Variants in CCSER1 observed in about 807,000 individuals in gnomAD.
CCSER1 encodes serine-rich coiled-coil domain-containing protein 1.
A neutral mutation model predicts 82.0 loss-of-function variants in CCSER1; 41 were observed. The ratio of observed to expected loss-of-function variants is 0.50; its 90% CI spans 0.39 to 0.65. The LOEUF (loss-of-function observed/expected upper bound fraction) is 0.65. Ranked by LOEUF, CCSER1 falls within the 30% of genes least tolerant of loss-of-function variation. The probability of loss-of-function intolerance (pLI) is 0.00; values close to 1 mark genes in which losing one functional copy is unlikely to be tolerated. For synonymous variants in CCSER1, 414 were observed against 383.9 expected, an observed-to-expected ratio of 1.08 and a Z score of -0.92; for missense variants, 1,119 against 1,064.2, an observed-to-expected ratio of 1.05 and a Z score of -0.72.
intron 1 of CCSER1, among the ~76,000 whole-genome samples, chr4:90,272,135 A>G (rs983534796): frequency 2.0e-5 from 3 of 151,854 alleles, no homozygotes; most frequent in South Asian, 4.2e-4. Context: ...CCCTGGACAC[A>G]TGAGGATTAC....
At chr4:91,348,904 A>T (rs183191032) in intron 10 of CCSER1, among the ~76,000 whole-genome samples, 103 of 151,916 alleles carry the variant, frequency 6.8e-4, no homozygotes, top group East Asian at 1.7e-3. Context: ...AAAATTAATT[A>T]ATTAATTTAT....
chr4:90,672,786 G>A (rs1183139101), intron 6 of CCSER1, among the ~76,000 whole-genome samples: 2 of 151,932 alleles, frequency 1.3e-5, no homozygotes, highest in Non-Finnish European at 2.9e-5. Flanking sequence ...ATTGTAGCAT[G>A]ATTAATTGGC....
At chr4:91,333,662 T>G (rs761306345) in intron 10 of CCSER1, among the ~76,000 whole-genome samples, 3 of 152,032 alleles carry the variant, frequency 2.0e-5, no homozygotes, top group Non-Finnish European at 4.4e-5. Context: ...ATATTAATAG[T>G]GGGACCATGT....
chr4:91,562,184 CT>C (rs1762683956), intron 10 of CCSER1, among the ~76,000 whole-genome samples: 1 of 151,268 alleles, frequency 6.6e-6, no homozygotes, highest in African/African-American at 2.4e-5. Context: ...AAATATCTTG[CT>C]ATTATAACAT....
chr4:90,648,284 G>GGAAAGAGAAA (rs1728001480), intron 6 of CCSER1, among the ~76,000 whole-genome samples: 3 of 89,892 alleles, frequency 3.3e-5, no homozygotes, highest in Admixed American at 1.3e-4. Context: ...GAGAAAGAAA[G>GGAAAGAGAAA]GAAAGAAAGA....
rs765175017 is a variant in CCSER1 at position 90,400,008 on chromosome 4, C to G, written c.1510-28C>G. On this transcript the variant is annotated intron_variant, in intron 3 of 10. Transcript: ENST00000509176. ...CCTCATTTACTCAGTGTTTTGGTTTCTAATTGTTGGTTTTGATTTTTCTTC... is the reference window on the plus strand; with the variant it reads ...CCTCATTTACTCAGTGTTTTGGTTTGTAATTGTTGGTTTTGATTTTTCTTC... 1.8e-5 allele frequency: 25 copies of G among 1,370,550 alleles called. No homozygotes were observed. In the South Asian group the frequency reaches 2.3e-4, roughly 13 times the overall value. 84.9% of individuals were successfully genotyped at this position (1,370,550 alleles called of 1,614,324 possible).
chr4:90,484,662 C>T (rs867206288), intron 5 of CCSER1, among the ~76,000 whole-genome samples: 3 of 152,312 alleles, frequency 2.0e-5, no homozygotes, highest in African/African-American at 7.2e-5. Context: ...GCCTGGGTAT[C>T]AGCAGCGGTG....
chr4:90,366,649 T>A (rs1578134950), intron 3 of CCSER1, among the ~76,000 whole-genome samples: 1 of 151,920 alleles, frequency 6.6e-6, no homozygotes, highest in South Asian at 2.1e-4. Flanking sequence ...TCTCCCCACC[T>A]CCAGCCTCTG....
intron 9 of CCSER1, chr4:90,923,654 T>C (rs1728696303): frequency 4.6e-6 from 2 of 432,580 alleles, no homozygotes; most frequent in Non-Finnish European, 8.3e-6. Flanking sequence ...CAATGCCTTA[T>C]TAATTTTTTT....
intron 7 of CCSER1, among the ~76,000 whole-genome samples, chr4:90,753,582 A>G (rs114663756): frequency 1.3e-5 from 2 of 152,112 alleles, no homozygotes; most frequent in Non-Finnish European, 2.9e-5. Flanking sequence ...TTCCACGTAC[A>G]CTATTATCAG....
At chr4:90,446,832 C>T (rs1760725934) in intron 4 of CCSER1, among the ~76,000 whole-genome samples, 1 of 152,160 alleles carries the variant, frequency 6.6e-6, no homozygotes. Context: ...TCTTCCTCTT[C>T]CTTCTCAGCC....
At chr4:90,840,249 A>T (rs866669686) in intron 8 of CCSER1, among the ~76,000 whole-genome samples, 1 of 152,128 alleles carries the variant, frequency 6.6e-6, no homozygotes, top group African/African-American at 2.4e-5. Flanking sequence ...GTGGGTGGAG[A>T]AGAATGAGGA....
At chr4:90,933,290 G>C (rs531189906) in intron 9 of CCSER1, among the ~76,000 whole-genome samples, 59,240 of 148,772 alleles carry the variant, frequency 0.4, 12,136 homozygotes, top group African/African-American at 0.47. Flanking sequence ...CGGGTTCACC[G>C]CATTCTCCTG....
At chr4:90,922,689 G>A (rs1318059765) in intron 8 of CCSER1, among the ~76,000 whole-genome samples, 1 of 152,014 alleles carries the variant, frequency 6.6e-6, no homozygotes, top group Non-Finnish European at 1.5e-5. Context: ...GAGGCATTTA[G>A]TAAATACATT....
chr4:90,865,712 A>C (rs1456548441), intron 8 of CCSER1, among the ~76,000 whole-genome samples: 1 of 152,028 alleles, frequency 6.6e-6, no homozygotes, highest in Non-Finnish European at 1.5e-5. Flanking sequence ...CACCTAGGGG[A>C]CAGTTACAAC....
chr4:90,650,768 G>A (rs560913019), intron 6 of CCSER1, among the ~76,000 whole-genome samples: 16 of 152,288 alleles, frequency 1.1e-4, no homozygotes, highest in Non-Finnish European at 2.2e-4. Flanking sequence ...CTAAGCCAAT[G>A]TGTCACTAAG....
At chr4:91,211,483 A>G (rs1716784338) in intron 10 of CCSER1, among the ~76,000 whole-genome samples, 1 of 152,092 alleles carries the variant, frequency 6.6e-6, no homozygotes, top group African/African-American at 2.4e-5. Context: ...TAATACTGCA[A>G]AAGTGTTCTG....
intron 3 of CCSER1, among the ~76,000 whole-genome samples, chr4:90,371,361 A>G (rs905389520): frequency 2.0e-5 from 3 of 152,140 alleles, no homozygotes; most frequent in African/African-American, 7.2e-5. Flanking sequence ...ACTAGCATCT[A>G]TAATTGAATA....
intron 10 of CCSER1, among the ~76,000 whole-genome samples, chr4:91,446,672 A>ATATATATATAT (rs1553938715): frequency 4.7e-3 from 339 of 72,450 alleles, no homozygotes; most frequent in Middle Eastern, 9.8e-3. Flanking sequence ...ATTTTAAATA[A>ATATATATATAT]ATAAATATAT....
Sources: gnomAD v4.1 joint callset for allele counts (sites outside exome capture counted in the v4.1 genomes callset) on GRCh38, gnomAD v4.1.1 for gene constraint, MANE v1.5 for transcripts, NCBI Gene and HGNC (gene_info 2026-07-23, HGNC 2026-07-21) for gene names.